TMEM117: variants seen among roughly 807,000 people sequenced by gnomAD.
The protein encoded by TMEM117 is transmembrane protein 117.
Under a neutral mutation model 52.4 loss-of-function variants are expected in TMEM117, and 27 were observed. The observed-to-expected ratio is 0.51, with a 90% CI of 0.38 to 0.71. TMEM117 has a LOEUF of 0.71. Ranked by LOEUF, TMEM117 falls within the 30% of genes least tolerant of loss-of-function variation. The pLI is 0.00. For synonymous variants in TMEM117, 215 were observed against 206.3 expected, an observed-to-expected ratio of 1.04 and a Z score of -0.36; for missense variants, 556 against 630.5, an observed-to-expected ratio of 0.88 and a Z score of 1.26.
chr12:44,056,607 C>CT (rs1947058486), intron 3 of TMEM117, among the ~76,000 whole-genome samples: 1 of 152,096 alleles, frequency 6.6e-6, no homozygotes, highest in Non-Finnish European at 1.5e-5. Context: ...ACTTGACTCT[C>CT]TCTTTTGTAT....
At chr12:43,931,345 A>G (rs1475562714) in intron 2 of TMEM117, among the ~76,000 whole-genome samples, 2 of 152,346 alleles carry the variant, frequency 1.3e-5, no homozygotes, top group South Asian at 4.1e-4. Flanking sequence ...TTATAGGCAT[A>G]CAAAAATATC....
intron 3 of TMEM117, among the ~76,000 whole-genome samples, chr12:44,051,738 A>G (rs536105900): frequency 1.3e-5 from 2 of 152,326 alleles, no homozygotes; most frequent in South Asian, 2.1e-4. Context: ...TGTCTTCTCA[A>G]TGGCCATGTC....
chr12:43,940,764 G>A (rs1215697101), intron 2 of TMEM117, among the ~76,000 whole-genome samples: 1 of 152,042 alleles, frequency 6.6e-6, no homozygotes, highest in Non-Finnish European at 1.5e-5. Flanking sequence ...GGCTGGTCTC[G>A]AACTCCTGAC....
intron 3 of TMEM117, among the ~76,000 whole-genome samples, chr12:43,976,619 G>A (rs188469945): frequency 8.9e-4 from 135 of 152,226 alleles, no homozygotes; most frequent in African/African-American, 2.2e-3. Flanking sequence ...CCCTTTGCCA[G>A]GGTAAGAACA....
intron 3 of TMEM117, among the ~76,000 whole-genome samples, chr12:43,979,134 AGTAATTTTTGATAATC>A (rs1945719328): frequency 6.6e-6 from 1 of 151,968 alleles, no homozygotes; most frequent in African/African-American, 2.4e-5. Context: ...AATATTACCC[AGTAATTTTTGATAATC>A]ATTTAAGGTG....
rs1032809439 is a variant in TMEM117 at position 43,842,387 on chromosome 12, T to TA, written c.-28-2233dup. ...GTGTTCACAAAGATAACAAGGGACTTAAAATTGCTTAGAAGGCTTATGAAT... is the reference window on the plus strand; with the variant it reads ...GTGTTCACAAAGATAACAAGGGACTTAAAAATTGCTTAGAAGGCTTATGAAT... On this transcript the variant is annotated intron_variant, in intron 1 of 7. Coordinates refer to ENST00000266534, the MANE Select transcript of TMEM117 (RefSeq NM_032256.3). Among the ~76,000 whole-genome samples the TA allele has an allele frequency of 1.6e-4, 25 of 152,246 alleles. 1 individual carries two copies. Among genetic ancestry groups the TA allele is most frequent in the Admixed American group, 1.2e-3 (19 of 15,296 alleles).
At chr12:43,818,576 G>A in the TMEM117 span, among the ~76,000 whole-genome samples, 4 of 152,098 alleles carry the variant, frequency 2.6e-5, no homozygotes, top group African/African-American at 4.8e-5. Context: ...GAGTAGCTGG[G>A]ACTACAGGCG....
the TMEM117 span, among the ~76,000 whole-genome samples, chr12:43,830,146 T>G: frequency 6.7e-6 from 1 of 148,844 alleles, no homozygotes; most frequent in South Asian, 2.2e-4. Context: ...ATTGCCCCTC[T>G]CTGTCAAGGT....
At chr12:44,246,318 A>C (rs907264916) in intron 5 of TMEM117, among the ~76,000 whole-genome samples, 1 of 152,186 alleles carries the variant, frequency 6.6e-6, no homozygotes, top group African/African-American at 2.4e-5. Flanking sequence ...ATAAATTTAT[A>C]TGTTTTCTTA....
At chr12:43,977,117 C>T (rs1210935081) in intron 3 of TMEM117, among the ~76,000 whole-genome samples, 2 of 151,980 alleles carry the variant, frequency 1.3e-5, no homozygotes, top group Admixed American at 6.6e-5. Context: ...GCAGGCAGAG[C>T]GAGAGCATAA....
intron 3 of TMEM117, among the ~76,000 whole-genome samples, chr12:43,962,513 C>G (rs1945419373): frequency 6.6e-6 from 1 of 151,962 alleles, no homozygotes; most frequent in South Asian, 2.1e-4. Flanking sequence ...ATGTCATTTA[C>G]AATAGAAGAT....
chr12:44,227,687 A>G (rs143306929), intron 5 of TMEM117, among the ~76,000 whole-genome samples: 225 of 152,254 alleles, frequency 1.5e-3, no homozygotes, highest in Non-Finnish European at 2.8e-3. Flanking sequence ...ACAATGTAGA[A>G]AGGTCCTTTT....
At chr12:43,856,219 A>C (rs1327185250) in intron 2 of TMEM117, among the ~76,000 whole-genome samples, 1 of 152,206 alleles carries the variant, frequency 6.6e-6, no homozygotes, top group Admixed American at 6.5e-5. Flanking sequence ...GAATATCTAT[A>C]GTTTTAAGCT....
At chr12:44,219,820 G>C (rs1441534669) in intron 5 of TMEM117, among the ~76,000 whole-genome samples, 1 of 152,098 alleles carries the variant, frequency 6.6e-6, no homozygotes, top group East Asian at 1.9e-4. Context: ...CTACTAGGGA[G>C]ATAACATTCC....
At chr12:44,151,044 T>C (rs1248362569) in intron 4 of TMEM117, among the ~76,000 whole-genome samples, 1 of 152,116 alleles carries the variant, frequency 6.6e-6, no homozygotes, top group East Asian at 1.9e-4. Context: ...ATATAAATTT[T>C]ATATTCATAT....
At chr12:43,864,919 C>G (rs1187503643) in intron 2 of TMEM117, among the ~76,000 whole-genome samples, 1 of 152,158 alleles carries the variant, frequency 6.6e-6, no homozygotes, top group East Asian at 1.9e-4. Flanking sequence ...CAGCTTCACT[C>G]CTGAAGCCAA....
At chr12:44,208,456 C>T (rs1484568475) in intron 4 of TMEM117, among the ~76,000 whole-genome samples, 3 of 152,162 alleles carry the variant, frequency 2.0e-5, no homozygotes, top group Non-Finnish European at 2.9e-5. Context: ...ATTTATGCTA[C>T]ACAGAAACCT....
intron 6 of TMEM117, among the ~76,000 whole-genome samples, chr12:44,353,891 A>G (rs1343839443): frequency 6.6e-6 from 1 of 152,214 alleles, no homozygotes; most frequent in African/African-American, 2.4e-5. Flanking sequence ...CTTGGGCAGT[A>G]TGCCCATTTT....
At chr12:43,865,336 G>A (rs1943572194) in intron 2 of TMEM117, among the ~76,000 whole-genome samples, 1 of 152,092 alleles carries the variant, frequency 6.6e-6, no homozygotes, top group African/African-American at 2.4e-5. Context: ...CCCCAGAAGG[G>A]TGCCCCTTAG....
Sources: gnomAD v4.1 joint callset for allele counts (sites outside exome capture counted in the v4.1 genomes callset) on GRCh38, gnomAD v4.1.1 for gene constraint, MANE v1.5 for transcripts, NCBI Gene and HGNC (gene_info 2026-07-23, HGNC 2026-07-21) for gene names.